Variants in MROH1 observed in about 807,000 individuals in gnomAD.
MROH1 encodes maestro heat like repeat family member 1.
In MROH1, 117 loss-of-function variants were observed where a neutral mutation model predicts 116.5. The ratio of observed to expected loss-of-function variants is 1.00; its 90% CI spans 0.86 to 1.17. MROH1 has a LOEUF of 1.17. Among genes scored for constraint, MROH1 ranks in the 50% most tolerant of loss-of-function variants. The pLI is 0.00. For missense variants in MROH1, 1,873 were observed against 1,338.5 expected, an observed-to-expected ratio of 1.40 and a Z score of -6.23; for synonymous variants, 921 against 583.9, an observed-to-expected ratio of 1.58 and a Z score of -8.32.
chr8:144,258,123 C>T (rs1844253656), intron 35 of MROH1, among the ~76,000 whole-genome samples: 1 of 152,238 alleles, frequency 6.6e-6, no homozygotes, highest in Non-Finnish European at 1.5e-5. Context: ...CAACATCAGA[C>T]TCTCCCTGCC....
chr8:144,159,160 C>T (rs1189411719), intron 1 of MROH1, among the ~76,000 whole-genome samples: 1 of 152,158 alleles, frequency 6.6e-6, no homozygotes, highest in Non-Finnish European at 1.5e-5. Context: ...GAGTTCGAGA[C>T]CAGCCTGGCC....
chr8:144,162,182 G>T (rs6984708), intron 2 of MROH1, among the ~76,000 whole-genome samples: 149,032 of 150,742 alleles, frequency 0.99, 73,693 homozygotes, highest in East Asian at 1. Context: ...CCTCCCGGGT[G>T]CAAGTGATTC....
Position 144,179,540 on chromosome 8 carries a change from C to A in MROH1, c.254C>A (p.Ala85Asp). 1 of 1,613,346 alleles carries A rather than the reference C, an allele frequency of 6.2e-7. No individual in the cohort carries two copies. Among genetic ancestry groups the A allele is most frequent in the African/African-American group, 1.3e-5 (1 of 75,038 alleles). ...GCCAGTGAGCTGGACAAGGACACAG[C>A]CAGCACCATCATCCTCCTGGCCTCC... ...SRASELDKDT[A>D]STIILLASSE... The change falls in exon 5 of 44, where the codon GCC becomes GAC. Residue 85 changes from alanine to aspartate, a missense_variant. Ala to Asp is a moderately radical substitution (Grantham distance 126). Coordinates refer to ENST00000326134, the MANE Select transcript of MROH1 (RefSeq NM_032450.3).
chr8:144,247,278 A>G, intron 29 of MROH1, 23 bp from the exon 30 acceptor site: 1 of 764,670 alleles, frequency 1.3e-6, no homozygotes. Context: ...GCATTCTAAT[A>G]GCCCAGGCAT....
At chr8:144,260,543 C>G in intron 39 of MROH1, 134 bp from the exon 40 acceptor site, 1 of 748,704 alleles carries the variant, frequency 1.3e-6, no homozygotes, top group Non-Finnish European at 2.4e-6. Flanking sequence ...CAGCCCCCAC[C>G]CGTAAGGCCC....
chr8:144,187,901 G>A (rs1437195804), intron 7 of MROH1, among the ~76,000 whole-genome samples: 1 of 152,178 alleles, frequency 6.6e-6, no homozygotes, highest in Non-Finnish European at 1.5e-5. Context: ...GGAGCCAGGT[G>A]GGGGTGTAGG....
rs1001498321 is a variant in MROH1, at chr8:144,151,109, G to A, written c.-177+3033G>A. 1.9e-3 allele frequency among the ~76,000 whole-genome samples: 293 copies of A among 152,020 alleles called. 1 individual carries two copies. Among genetic ancestry groups the A allele is most frequent in the African/African-American group, 6.8e-3 (283 of 41,472 alleles). On this transcript the variant is annotated intron_variant, in intron 1 of 43. Coordinates refer to ENST00000326134, the MANE Select transcript of MROH1 (RefSeq NM_032450.3). ...CTAAAAATACAAAAATTCGTCGAGT[G>A]TGGCGGTGGGCGCCTGTAATCCCAC...
At chr8:144,153,713 C>G (rs1023455946) in intron 1 of MROH1, among the ~76,000 whole-genome samples, 1 of 152,188 alleles carries the variant, frequency 6.6e-6, no homozygotes, top group East Asian at 1.9e-4. Context: ...TTCATTTCCT[C>G]TGGATGCGTA....
chr8:144,260,112 C>T, intron 38 of MROH1, 55 bp downstream of exon 38: 1 of 746,646 alleles, frequency 1.3e-6, no homozygotes, highest in Non-Finnish European at 2.4e-6. Context: ...GGGGGCTGTG[C>T]ATGGAGGCCA....
intron 14 of MROH1, among the ~76,000 whole-genome samples, chr8:144,238,151 G>T (rs1840355831): frequency 1.3e-5 from 2 of 151,330 alleles, no homozygotes; most frequent in Non-Finnish European, 2.9e-5. Flanking sequence ...TGAAGTTCAA[G>T]GCCTAAATAT....
intron 32 of MROH1, among the ~76,000 whole-genome samples, chr8:144,249,308 A>G (rs1842444787): frequency 2.0e-5 from 3 of 151,458 alleles, no homozygotes; most frequent in South Asian, 4.2e-4. Context: ...TGCTGAGAGA[A>G]TAAGGGGGGA....
chr8:144,156,787 T>C (rs1242217576), intron 1 of MROH1, among the ~76,000 whole-genome samples: 1 of 147,606 alleles, frequency 6.8e-6, no homozygotes, highest in African/African-American at 2.5e-5. Flanking sequence ...TTTCTTTTTT[T>C]TTTTTTTTTT....
chr8:144,148,548 C>G (rs1320921379), intron 1 of MROH1: 2 of 152,620 alleles, frequency 1.3e-5, no homozygotes, highest in African/African-American at 4.8e-5. Flanking sequence ...AGCATACGCC[C>G]GGAGCCTGCA....
intron 19 of MROH1, among the ~76,000 whole-genome samples, 196 bp from the exon 20 acceptor site, chr8:144,240,374 G>A (rs1265308697): frequency 7.9e-5 from 12 of 152,250 alleles, no homozygotes; most frequent in Non-Finnish European, 1.2e-4. Context: ...CCCAAGCGTC[G>A]GGGGCAACCT....
At chr8:144,191,396 G>A (rs1340548471) in intron 8 of MROH1, among the ~76,000 whole-genome samples, 2 of 152,142 alleles carry the variant, frequency 1.3e-5, no homozygotes, top group African/African-American at 4.8e-5. Flanking sequence ...ACCTGCACAG[G>A]GCCCCCTCTG....
At chr8:144,217,181 G>C (rs1462770135) in intron 12 of MROH1, among the ~76,000 whole-genome samples, 1 of 152,128 alleles carries the variant, frequency 6.6e-6, no homozygotes, top group Non-Finnish European at 1.5e-5. Flanking sequence ...ATTGCTTATT[G>C]GTAGCATATA....
rs1244479154 is a variant in MROH1, at chr8:144,241,445, G to A, written c.2106G>A (p.Thr702=). ...GTGCCATCTCCCACCTCGAGGACACGCTGGCCCAGCTGGAGGACTTCGTGA... is the reference window on the plus strand; with the variant it reads ...GTGCCATCTCCCACCTCGAGGACACACTGGCCCAGCTGGAGGACTTCGTGA... ...GICAISHLED[T]LAQLEDFVRS... is the part of the protein sequence containing the mutation. Residue 702 remains threonine (T), a synonymous_variant, in exon 22 of 44, where the codon ACG becomes ACA. Transcript: ENST00000326134. The A allele has an allele frequency of 1.0e-5, 8 of 778,550 alleles. No individual in the cohort carries two copies. Among genetic ancestry groups the A allele is most frequent in the Admixed American group, 3.4e-5 (2 of 59,010 alleles). The allele number at this position is 778,550 out of a possible 1,614,324, so 48.2% of individuals were successfully genotyped here.
At chr8:144,249,460 AGTAAGCATTTGGCAG>A (rs1171759743) in intron 32 of MROH1, among the ~76,000 whole-genome samples, 15 of 152,116 alleles carry the variant, frequency 9.9e-5, no homozygotes, top group Non-Finnish European at 1.9e-4. Flanking sequence ...CCAGCTGTGC[AGTAAGCATTTGGCAG>A]TAGGGGTCAC....
chr8:144,233,479 C>T (rs1554823559), intron 14 of MROH1, among the ~76,000 whole-genome samples: 7 of 150,562 alleles, frequency 4.6e-5, no homozygotes, highest in South Asian at 2.1e-4. Context: ...TTCTCTCTCC[C>T]GCAGCTCCTG....
Sources: allele counts gnomAD v4.1 joint callset (sites outside exome capture counted in the v4.1 genomes callset), GRCh38; gene constraint gnomAD v4.1.1; transcripts MANE v1.5; gene names NCBI Gene and HGNC (gene_info 2026-07-23, HGNC 2026-07-21).